SCN1A: variants seen among roughly 807,000 people sequenced by gnomAD.
SCN1A encodes sodium voltage-gated channel alpha subunit 1, also known as sodium channel protein type 1 subunit alpha.
SCN1A carries 13 observed loss-of-function variants against 193.7 expected under a neutral mutation model. The observed-to-expected ratio is 0.07, with a 90% confidence interval of 0.04 to 0.11. SCN1A has a LOEUF of 0.11. Ranked by LOEUF, SCN1A falls within the 10% of genes least tolerant of loss-of-function variation. The pLI is 1.00. For synonymous variants in SCN1A, 781 were observed against 843.6 expected (o/e 0.93, Z 1.29); for missense variants, 1,432 against 2,451.1 (o/e 0.58, Z 8.78).
At position 165,989,658 on chromosome 2, in the gene SCN1A, A is replaced by G. The variant is rs889454687; in HGVS notation, c.*1587T>C. 6.6e-6 allele frequency: 1 copy of G among 152,554 alleles called. No homozygotes were observed. Among genetic ancestry groups the G allele is most frequent in the Non-Finnish European group, 1.5e-5 (1 of 68,010 alleles). The allele number at this position is 152,554 out of a possible 1,614,324, so 9.5% of individuals were successfully genotyped here. A position where few individuals can be genotyped will look rare whatever the true frequency, so the allele number is the denominator to read the frequency against. On this transcript the variant is annotated 3_prime_UTR_variant, in exon 29 of 29. Transcript: ENST00000674923. ...ATTTAAAAAGCAGAAATCTACAACT[A>G]CCCAGTCTTGTTTTCATGTCTTATT...
intron 19 of SCN1A, among the ~76,000 whole-genome samples, chr2:166,024,147 G>A (rs1287713524): frequency 6.6e-6 from 1 of 152,042 alleles, no homozygotes; most frequent in Non-Finnish European, 1.5e-5. Context: ...GACGGCTTGA[G>A]CCCAGGAGGT....
chr2:166,137,388 T>C (rs10196629), intron 1 of SCN1A, among the ~76,000 whole-genome samples: 49,373 of 152,092 alleles, frequency 0.32, 8,191 homozygotes, highest in South Asian at 0.37. Context: ...AAATCTCATC[T>C]TGAATTGTAA....
rs1373260990 is a variant in SCN1A at position 166,013,915 on chromosome 2, A to C, written c.3551-17T>G. ...GTACACAGCCTGCAGAAAGTGTTGAAATAAAAGTAGATAAAGTGTCTCTGC... is the reference window on the plus strand; with the variant it reads ...GTACACAGCCTGCAGAAAGTGTTGACATAAAAGTAGATAAAGTGTCTCTGC... On this transcript the variant is annotated splice_polypyrimidine_tract_variant and intron_variant, in intron 20 of 28. Transcript: ENST00000674923. 6.2e-7 allele frequency: 1 copy of C among 1,609,628 alleles called. No homozygotes were observed. Among genetic ancestry groups the C allele is most frequent in the South Asian group, 1.1e-5 (1 of 91,048 alleles).
intron 2 of SCN1A, among the ~76,000 whole-genome samples, chr2:166,108,414 T>C (rs1688934246): frequency 6.6e-6 from 1 of 152,072 alleles, no homozygotes; most frequent in African/African-American, 2.4e-5. Context: ...CTTACAATGT[T>C]AAACATAGAT....
intron 19 of SCN1A, among the ~76,000 whole-genome samples, chr2:166,031,099 A>G (rs772812816): frequency 6.6e-6 from 1 of 152,126 alleles, no homozygotes; most frequent in Non-Finnish European, 1.5e-5. Context: ...ATGTACTTTG[A>G]AGGTTGAAGT....
chr2:166,104,964 A>G (rs541457077), intron 2 of SCN1A, among the ~76,000 whole-genome samples: 1 of 152,346 alleles, frequency 6.6e-6, no homozygotes, highest in South Asian at 2.1e-4. Context: ...TAAAAATAGC[A>G]AAAGAAATGA....
At chr2:166,084,412 T>C (rs1007096565) in intron 2 of SCN1A, among the ~76,000 whole-genome samples, 3 of 152,068 alleles carry the variant, frequency 2.0e-5, no homozygotes, top group Non-Finnish European at 2.9e-5. Context: ...TTCTTCTTGC[T>C]GCTCTCTCAG....
chr2:166,043,965 C>T lies in SCN1A; in HGVS notation c.1747G>A (p.Asp583Asn). The change falls in exon 14 of 29, where the codon GAT (aspartate) becomes AAT (asparagine). Residue 583 changes from aspartate (D) to asparagine (N), a missense_variant. Around this residue, in one of 18 missense-constraint regions of SCN1A, gnomAD observed 316 missense variants for 362.1 expected, o/e 0.87. Transcript: ENST00000674923. ...SLFSFRGRAK[D>N]VGSENDFADD... is the part of the protein sequence containing the mutation. ...GCGAAGTCGTTCTCAGATCCCACAT[C>T]CTTTGCTCGCCCTCTAAAGCTGAAA... 6.2e-7 allele frequency: 1 copy of T among 1,614,140 alleles called. No homozygotes were observed. Among genetic ancestry groups the T allele is most frequent in the Non-Finnish European group, 8.5e-7 (1 of 1,180,020 alleles).
chr2:166,039,910 CT>C (rs10523688), intron 16 of SCN1A, among the ~76,000 whole-genome samples: 228 of 110,772 alleles, frequency 2.1e-3, no homozygotes, highest in Admixed American at 2.9e-3. Context: ...TACAAGTCAT[CT>C]TTTTTTTTTT....
chr2:166,141,123 C>G (rs548266747), intron 1 of SCN1A, among the ~76,000 whole-genome samples: 28 of 152,122 alleles, frequency 1.8e-4, no homozygotes, highest in African/African-American at 6.5e-4. Flanking sequence ...CTCACCACTC[C>G]CCGGGTGTTC....
intron 1 of SCN1A, among the ~76,000 whole-genome samples, chr2:166,139,240 T>C (rs1691984429): frequency 6.6e-6 from 1 of 152,156 alleles, no homozygotes; most frequent in African/African-American, 2.4e-5. Context: ...GGTTTTGAAA[T>C]GTGAGGACAT....
chr2:166,007,432 A>G (rs1201444692), intron 23 of SCN1A: 1 of 151,314 alleles, frequency 6.6e-6, no homozygotes, highest in East Asian at 1.9e-4. Flanking sequence ...AAAAGAAGGT[A>G]TTTAAGATTT....
At chr2:166,001,871 T>TTCTC (rs201994622) in intron 24 of SCN1A, among the ~76,000 whole-genome samples, 1 of 127,686 alleles carries the variant, frequency 7.8e-6, no homozygotes, top group African/African-American at 2.8e-5. Flanking sequence ...CCAGGTATAA[T>TTCTC]TCTCTCTCTT....
At chr2:166,115,841 G>A (rs1689795241) in intron 2 of SCN1A, among the ~76,000 whole-genome samples, 1 of 152,198 alleles carries the variant, frequency 6.6e-6, no homozygotes, top group African/African-American at 2.4e-5. Context: ...CAGTATAGCA[G>A]AGGAAGACAG....
At chr2:166,033,635 A>G (rs1380465360) in intron 19 of SCN1A, among the ~76,000 whole-genome samples, 1 of 152,206 alleles carries the variant, frequency 6.6e-6, no homozygotes, top group Non-Finnish European at 1.5e-5. Context: ...ATTTCAATTA[A>G]TGCAATGTTC....
intron 7 of SCN1A, chr2:166,053,153 T>G: frequency 1.0e-6 from 1 of 1,000,424 alleles, no homozygotes; most frequent in Non-Finnish European, 1.6e-6. Flanking sequence ...ATCAGAATTA[T>G]TCAAGATTTT....
intron 2 of SCN1A, among the ~76,000 whole-genome samples, chr2:166,115,362 AAAAC>A (rs1226183022): frequency 2.0e-5 from 3 of 152,174 alleles, no homozygotes; most frequent in Non-Finnish European, 2.9e-5. Flanking sequence ...AACTCCGTCT[AAAAC>A]AAACAAACAA....
rs545330238 is a variant in SCN1A at position 166,089,715 on chromosome 2, G to C, written c.-141-11914C>G. On this transcript the variant is annotated intron_variant, in intron 2 of 28. Coordinates refer to ENST00000674923, the MANE Select transcript of SCN1A (RefSeq NM_001165963.4). Reference sequence around the variant, plus strand: ...TATATAAAAAGATGGAATGGGGGTAGAGAGTGTAAGGTGGTACTGACAGAA... The same window carrying C: ...TATATAAAAAGATGGAATGGGGGTACAGAGTGTAAGGTGGTACTGACAGAA... 1.7e-3 allele frequency among the ~76,000 whole-genome samples: 265 copies of C among 152,238 alleles called. 2 individuals carry two copies. Among genetic ancestry groups the C allele is most frequent in the African/African-American group, 6.0e-3 (251 of 41,540 alleles).
At chr2:166,000,827 T>C (rs892621994) in intron 24 of SCN1A, among the ~76,000 whole-genome samples, 1 of 151,510 alleles carries the variant, frequency 6.6e-6, no homozygotes. Context: ...AAGGGACCAT[T>C]TCAATGACTT....
Sources: allele counts gnomAD v4.1 joint callset (sites outside exome capture counted in the v4.1 genomes callset), GRCh38; gene constraint gnomAD v4.1.1; regional missense constraint gnomAD v4.1.1; transcripts MANE v1.5; gene names NCBI Gene and HGNC (gene_info 2026-07-23, HGNC 2026-07-21).